CDH13: variants seen among roughly 807,000 people sequenced by gnomAD.
The protein encoded by CDH13 is cadherin 13, also known as cadherin-13.
In CDH13, 24 loss-of-function variants were observed where a neutral mutation model predicts 63.8. The observed-to-expected ratio is 0.38, with a 90% CI of 0.27 to 0.53. The LOEUF is 0.53. Ranked by LOEUF, CDH13 falls within the 20% of genes least tolerant of loss-of-function variation. The probability of loss-of-function intolerance (pLI) is 0.85; values close to 1 mark genes in which losing one functional copy is unlikely to be tolerated. For missense variants in CDH13, 1,049 were observed against 903.1 expected, an observed-to-expected ratio of 1.16 and a Z score of -2.07; for synonymous variants, 503 against 355.3, an observed-to-expected ratio of 1.42 and a Z score of -4.67.
At chr16:82,761,873 C>G (rs2151084966) in intron 1 of CDH13, among the ~76,000 whole-genome samples, 1 of 152,144 alleles carries the variant, frequency 6.6e-6, no homozygotes, top group South Asian at 2.1e-4. Flanking sequence ...CACACACATC[C>G]TAGTAGGAAA....
intron 1 of CDH13, among the ~76,000 whole-genome samples, chr16:82,773,967 G>A (rs2035376871): frequency 6.6e-6 from 1 of 151,896 alleles, no homozygotes; most frequent in Admixed American, 6.6e-5. Flanking sequence ...GTGTTTTTGG[G>A]AGAGACAGGG....
chr16:82,667,064 G>T (rs1912673516), intron 1 of CDH13, among the ~76,000 whole-genome samples: 1 of 152,168 alleles, frequency 6.6e-6, no homozygotes, highest in African/African-American at 2.4e-5. Flanking sequence ...AAAGGAATCA[G>T]CTGTTCCTTC....
chr16:83,530,764 A>G (rs554241578), intron 7 of CDH13, among the ~76,000 whole-genome samples: 3,330 of 152,296 alleles, frequency 0.022, 55 homozygotes, highest in Non-Finnish European at 0.033. Context: ...GGTCCTGACA[A>G]AGAAGGACTA....
chr16:83,085,067 A>G (rs372798505), intron 3 of CDH13, among the ~76,000 whole-genome samples: 97 of 152,118 alleles, frequency 6.4e-4, no homozygotes, highest in African/African-American at 2.2e-3. Flanking sequence ...TTTTCCCCTT[A>G]TATTGGTCTG....
At chr16:83,488,126 T>C (rs1184075147) in intron 7 of CDH13, among the ~76,000 whole-genome samples, 1 of 152,208 alleles carries the variant, frequency 6.6e-6, no homozygotes, top group Admixed American at 6.5e-5. Flanking sequence ...GAAATCAAGA[T>C]GTAAAAATCA....
chr16:83,646,648 C>T (rs980576494), intron 8 of CDH13, among the ~76,000 whole-genome samples: 10 of 133,498 alleles, frequency 7.5e-5, no homozygotes, highest in African/African-American at 1.4e-4. Flanking sequence ...GCTGAGATCA[C>T]GCGATTGCAC....
chr16:83,195,697 C>G (rs1393562356), intron 4 of CDH13, among the ~76,000 whole-genome samples: 2 of 152,034 alleles, frequency 1.3e-5, no homozygotes, highest in African/African-American at 4.8e-5. Flanking sequence ...CACACAGATC[C>G]AAACCATAGC....
At chr16:83,645,856 A>G (rs1226952815) in intron 8 of CDH13, among the ~76,000 whole-genome samples, 7 of 152,168 alleles carry the variant, frequency 4.6e-5, no homozygotes, top group African/African-American at 2.4e-5. Flanking sequence ...AAAAAAGTCA[A>G]AAAGATCCTT....
chr16:83,649,375 T>G (rs1423303053), intron 8 of CDH13, among the ~76,000 whole-genome samples: 3 of 152,198 alleles, frequency 2.0e-5, no homozygotes, highest in Non-Finnish European at 4.4e-5. Flanking sequence ...TTCAATATAT[T>G]TAATACACTT....
At chr16:83,385,830 G>C (rs1433323256) in intron 6 of CDH13, among the ~76,000 whole-genome samples, 1 of 152,130 alleles carries the variant, frequency 6.6e-6, no homozygotes, top group Non-Finnish European at 1.5e-5. Context: ...TCCTTTTGGG[G>C]CTGAGAAAAT....
chr16:82,646,739 C>T (rs778784706), intron 1 of CDH13, among the ~76,000 whole-genome samples: 16 of 152,084 alleles, frequency 1.1e-4, no homozygotes, highest in Non-Finnish European at 2.1e-4. Flanking sequence ...TTAGGTATGT[C>T]AGTAGCAGGC....
chr16:83,051,667 T>G (rs1287062073), intron 3 of CDH13, among the ~76,000 whole-genome samples: 5 of 152,344 alleles, frequency 3.3e-5, no homozygotes, highest in African/African-American at 7.2e-5. Flanking sequence ...AAGTTCCCAC[T>G]TAGAGCAAGA....
At chr16:83,195,797 A>C (rs2038862543) in intron 4 of CDH13, among the ~76,000 whole-genome samples, 1 of 152,194 alleles carries the variant, frequency 6.6e-6, no homozygotes, top group African/African-American at 2.4e-5. Flanking sequence ...GGAATAGACA[A>C]CCCAGAGATA....
At position 83,419,858 on chromosome 16, in the gene CDH13, A is replaced by G. The variant is rs570347156; in HGVS notation, c.782-66619A>G. Among the ~76,000 whole-genome samples the G allele has an allele frequency of 2.5e-3, 387 of 152,034 alleles. 4 individuals carry two copies. The highest frequency in any genetic ancestry group is 9.0e-3 in the African/African-American group (375 of 41,494). The stretch of plus-strand genomic sequence containing the variant: ...CTTGCTTCCAAACAAAATAAACTGT[A>G]TTACACATTCAGCTCTACATAATAA... On this transcript the variant is annotated intron_variant, in intron 6 of 13. Transcript: ENST00000567109.
intron 4 of CDH13, among the ~76,000 whole-genome samples, chr16:83,211,362 G>A (rs1017747275): frequency 2.6e-5 from 4 of 152,028 alleles, no homozygotes; most frequent in African/African-American, 4.8e-5. Context: ...ATTACCACCC[G>A]AAGTTTATAA....
intron 3 of CDH13, among the ~76,000 whole-genome samples, chr16:83,060,832 T>TTGCCTTCCAC (rs1047266607): frequency 6.6e-6 from 1 of 152,204 alleles, no homozygotes; most frequent in Non-Finnish European, 1.5e-5. Context: ...TGGGACACTG[T>TTGCCTTCCAC]TGCCTTCCAC....
intron 4 of CDH13, among the ~76,000 whole-genome samples, chr16:83,147,789 T>C (rs907309112): frequency 4.6e-5 from 7 of 152,102 alleles, no homozygotes. Context: ...GTCTCTGGGG[T>C]CACAGGGGGC....
At chr16:83,387,573 A>G (rs2091699489) in intron 6 of CDH13, among the ~76,000 whole-genome samples, 1 of 152,252 alleles carries the variant, frequency 6.6e-6, no homozygotes, top group East Asian at 1.9e-4. Flanking sequence ...CAGAAATCAA[A>G]GAGCTGAAAA....
intron 10 of CDH13, among the ~76,000 whole-genome samples, chr16:83,706,574 T>A (rs1364118): frequency 0.38 from 58,020 of 152,020 alleles, 12,262 homozygotes; most frequent in African/African-American, 0.57. Context: ...TTTACTGCTG[T>A]GTTATTTGTA....
Sources: gnomAD v4.1 joint callset for allele counts (sites outside exome capture counted in the v4.1 genomes callset) on GRCh38, gnomAD v4.1.1 for gene constraint, MANE v1.5 for transcripts, NCBI Gene and HGNC (gene_info 2026-07-23, HGNC 2026-07-21) for gene names.